The following MTCL2 variants were observed in gnomAD, a reference collection of about 807,000 sequenced individuals.
The protein encoded by MTCL2 is microtubule cross-linking factor 2.
chr20:36,803,002 A>G, the MTCL2 span: 1 of 1,597,910 alleles, frequency 6.3e-7, no homozygotes, highest in South Asian at 1.1e-5. Context: ...ACAGCGCTGT[A>G]GGACTCAGCT....
the MTCL2 span, chr20:36,805,880 G>A: frequency 1.9e-6 from 3 of 1,613,232 alleles, no homozygotes; most frequent in South Asian, 2.2e-5. Context: ...TGTCCCCCGT[G>A]CAGGCCTTGT....
At chr20:36,841,225 C>T in the MTCL2 span, among the ~76,000 whole-genome samples, 2 of 145,644 alleles carry the variant, frequency 1.4e-5, no homozygotes, top group East Asian at 2.0e-4. Context: ...CCCAGCTACT[C>T]GGGAGGCCGA....
chr20:36,805,508 A>C, the MTCL2 span, among the ~76,000 whole-genome samples: 2 of 152,184 alleles, frequency 1.3e-5, no homozygotes, highest in Non-Finnish European at 2.9e-5. Flanking sequence ...AGCCATACTC[A>C]ATACCAGAAC....
chr20:36,806,038 G>A, the MTCL2 span: 18 of 1,179,750 alleles, frequency 1.5e-5, no homozygotes, highest in Admixed American at 7.2e-5. Context: ...CATGTAGGTC[G>A]AGGAGCACGG....
chr20:36,804,756 C>A, the MTCL2 span: 1 of 1,613,768 alleles, frequency 6.2e-7, no homozygotes, highest in Non-Finnish European at 8.5e-7. Flanking sequence ...GGCCCTTGAG[C>A]TCTGCCCGCT....
chr20:36,802,773 C>T, the MTCL2 span: 4 of 1,472,294 alleles, frequency 2.7e-6, no homozygotes, highest in East Asian at 2.4e-5. Context: ...TCCAGCTATA[C>T]CTGAAGGAGT....
chr20:36,815,218 G>C, the MTCL2 span: 1,615 of 1,614,028 alleles, frequency 1.0e-3, 1 homozygote, highest in Non-Finnish European at 1.3e-3. This position sits in a 1 kb window ranked among gnomAD's most constrained non-coding sequence, Gnocchi z 5.3. Flanking sequence ...GACTCCTGCT[G>C]TTCCTTGACA....
At chr20:36,863,471 C>A in the MTCL2 span, 1 of 631,280 alleles carries the variant, frequency 1.6e-6, no homozygotes, top group Non-Finnish European at 2.1e-6. The surrounding 1 kb of genome is among the most constrained non-coding windows in gnomAD (Gnocchi z 6.2). Flanking sequence ...CCACCTCGGC[C>A]CCGACACCGC....
At chr20:36,841,470 G>C in the MTCL2 span, among the ~76,000 whole-genome samples, 3 of 151,732 alleles carry the variant, frequency 2.0e-5, no homozygotes, top group African/African-American at 7.3e-5. Context: ...CTACAAAAGA[G>C]ACATTTGAGC....
At chr20:36,794,591 G>C in the MTCL2 span, 1 of 1,614,034 alleles carries the variant, frequency 6.2e-7, no homozygotes, top group East Asian at 2.2e-5. This position sits in a 1 kb window ranked among gnomAD's most constrained non-coding sequence, Gnocchi z 5.4. Flanking sequence ...GGAAGAAACA[G>C]ATTTGGTTCT....
the MTCL2 span, among the ~76,000 whole-genome samples, chr20:36,856,285 C>T: frequency 6.6e-6 from 1 of 152,190 alleles, no homozygotes; most frequent in Admixed American, 6.5e-5. Context: ...AGGACACCTC[C>T]TCCTCCAGGA....
the MTCL2 span, among the ~76,000 whole-genome samples, chr20:36,847,674 C>T: frequency 2.6e-5 from 4 of 151,890 alleles, no homozygotes; most frequent in East Asian, 5.8e-4. Context: ...GACAACATAG[C>T]GAGACCCCAT....
chr20:36,839,692 G>GT, the MTCL2 span, among the ~76,000 whole-genome samples: 1 of 152,236 alleles, frequency 6.6e-6, no homozygotes, highest in African/African-American at 2.4e-5. The surrounding 1 kb of genome is among the most constrained non-coding windows in gnomAD (Gnocchi z 5.1). Flanking sequence ...AGAGGCTGGA[G>GT]TGAGATGCTT....
the MTCL2 span, chr20:36,815,666 G>T: frequency 6.2e-7 from 1 of 1,607,780 alleles, no homozygotes; most frequent in East Asian, 2.2e-5. The surrounding 1 kb of genome is among the most constrained non-coding windows in gnomAD (Gnocchi z 5.3). Context: ...CGCGGTTCTC[G>T]TACTGCAGCT....
the MTCL2 span, chr20:36,817,413 C>A: frequency 6.3e-7 from 1 of 1,591,930 alleles, no homozygotes; most frequent in African/African-American, 1.3e-5. Flanking sequence ...TTACCTGCAC[C>A]AAAGTCTTCT....
chr20:36,796,777 G>A, the MTCL2 span: 1 of 1,095,984 alleles, frequency 9.1e-7, no homozygotes, highest in Non-Finnish European at 1.4e-6. Flanking sequence ...GGGCAGGGCT[G>A]CGGTGAAAGC....
the MTCL2 span, chr20:36,786,644 A>AGAGGGAGG: frequency 6.5e-7 from 1 of 1,547,250 alleles, no homozygotes; most frequent in African/African-American, 1.4e-5. Flanking sequence ...CGTCCTAGGA[A>AGAGGGAGG]GAGGGAGGCA....
the MTCL2 span, chr20:36,793,580 T>C: frequency 6.4e-7 from 1 of 1,551,666 alleles, no homozygotes; most frequent in Non-Finnish European, 8.7e-7. The surrounding 1 kb of genome is among the most constrained non-coding windows in gnomAD (Gnocchi z 6.8). Flanking sequence ...GCTCCCTGAG[T>C]GCTCCACCAC....
At chr20:36,785,454 G>A in the MTCL2 span, 3 of 985,072 alleles carry the variant, frequency 3.0e-6, no homozygotes, top group Non-Finnish European at 3.6e-6. Flanking sequence ...GTGTTTCCAG[G>A]CCCCAGTCTA....
Sources: gnomAD v4.1 joint callset for allele counts (sites outside exome capture counted in the v4.1 genomes callset) on GRCh38, gnomAD v4.1.1 for gene constraint, Gnocchi (gnomAD v3.1) non-coding constraint, MANE v1.5 for transcripts, NCBI Gene and HGNC (gene_info 2026-07-23, HGNC 2026-07-21) for gene names.